SCN10A: variants seen among roughly 807,000 people sequenced by gnomAD.
SCN10A encodes sodium voltage-gated channel alpha subunit 10.
A neutral mutation model predicts 170.7 loss-of-function variants in SCN10A; 162 were observed. That is an observed-to-expected ratio of 0.95 (90% CI 0.84 to 1.08). SCN10A has a LOEUF of 1.08. Ranked by LOEUF, SCN10A falls within the 50% of genes least tolerant of loss-of-function variation. The pLI is 0.00. For missense variants in SCN10A, 2,527 were observed against 2,436.9 expected, an observed-to-expected ratio of 1.04 and a Z score of -0.78; for synonymous variants, 985 against 904.6, an observed-to-expected ratio of 1.09 and a Z score of -1.59.
chr3:38,780,249 G>C (rs1456001041), intron 4 of SCN10A, among the ~76,000 whole-genome samples: 1 of 151,766 alleles, frequency 6.6e-6, no homozygotes, highest in African/African-American at 2.4e-5. Flanking sequence ...CCTATTTCAT[G>C]CTTTTTGACC....
At chr3:38,790,604 A>C (rs1298978860) in intron 3 of SCN10A, among the ~76,000 whole-genome samples, 1 of 151,834 alleles carries the variant, frequency 6.6e-6, no homozygotes. Context: ...TGAAAAAGCA[A>C]CAACTACCCA....
intron 1 of SCN10A, among the ~76,000 whole-genome samples, chr3:38,812,763 G>A (rs766395590): frequency 5.3e-5 from 8 of 152,110 alleles, no homozygotes; most frequent in Non-Finnish European, 1.2e-4. Context: ...GCTGGGCATG[G>A]TAGCTCACAC....
chr3:38,747,329 T>A (rs1212783220), intron 13 of SCN10A, among the ~76,000 whole-genome samples: 1 of 152,198 alleles, frequency 6.6e-6, no homozygotes, highest in African/African-American at 2.4e-5. Flanking sequence ...CCTTTGTGCA[T>A]GCACTTGTCT....
chr3:38,763,604 A>T lies in SCN10A; in HGVS notation c.600-8T>A. 2 of 1,610,118 alleles carry T rather than the reference A, an allele frequency of 1.2e-6. No individual in the cohort carries two copies. The highest frequency in any genetic ancestry group is 1.7e-6 in the Non-Finnish European group (2 of 1,176,510). ...ATTGCTGTGCCAACATATCTGTAGGACCAGAAGTTAGTCAGCATCTCTGCA... is the reference window on the plus strand; with the variant it reads ...ATTGCTGTGCCAACATATCTGTAGGTCCAGAAGTTAGTCAGCATCTCTGCA... On this transcript the variant is annotated splice_region_variant and splice_polypyrimidine_tract_variant and intron_variant, in intron 5 of 27. Transcript: ENST00000449082.
At position 38,697,305 on chromosome 3, in the gene SCN10A, A is replaced by T; in HGVS notation, c.*44T>A. ...ATGGGAAAGAGTTAACACAGAGCAG[A>T]AGGACGCATCATAACTGAACATATC... On this transcript the variant is annotated 3_prime_UTR_variant, in exon 28 of 28. Coordinates refer to ENST00000449082, the MANE Select transcript of SCN10A (RefSeq NM_006514.4). 6.3e-7 allele frequency: 1 copy of T among 1,597,680 alleles called. No individual in the cohort carries two copies. Among genetic ancestry groups the T allele is most frequent in the Non-Finnish European group, 8.5e-7 (1 of 1,170,268 alleles).
intron 23 of SCN10A, 47 bp from the exon 24 acceptor site, chr3:38,710,944 T>C: frequency 1.3e-6 from 2 of 1,537,474 alleles, no homozygotes. Flanking sequence ...CATCCATCTA[T>C]ACTGGACCCT....
intron 11 of SCN10A, among the ~76,000 whole-genome samples, chr3:38,752,928 A>G (rs1224719625): frequency 6.6e-6 from 1 of 152,252 alleles, no homozygotes; most frequent in East Asian, 1.9e-4. Context: ...GTACTGGAAC[A>G]TACTTGGTAA....
intron 5 of SCN10A, among the ~76,000 whole-genome samples, chr3:38,764,558 T>A (rs2063911260): frequency 6.6e-6 from 1 of 152,224 alleles, no homozygotes; most frequent in South Asian, 2.1e-4. Flanking sequence ...CATTCCTTTT[T>A]ACAACTGAGT....
chr3:38,791,903 C>G, intron 3 of SCN10A, 147 bp downstream of exon 3: 1 of 1,073,736 alleles, frequency 9.3e-7, no homozygotes, highest in Non-Finnish European at 1.3e-6. Flanking sequence ...ATTAAAGGCC[C>G]AAGCCATTTT....
chr3:38,757,723 G>A (rs547186946), intron 8 of SCN10A, among the ~76,000 whole-genome samples: 18 of 152,264 alleles, frequency 1.2e-4, no homozygotes, highest in African/African-American at 3.1e-4. Context: ...CTAAAACTAC[G>A]CAGGTGTCAA....
chr3:38,697,288 G>C lies in SCN10A; in HGVS notation c.*61C>G. ...GCTGGGTGTGATCTGCAATGGGAAA[G>C]AGTTAACACAGAGCAGAAGGACGCA... On this transcript the variant is annotated 3_prime_UTR_variant, in exon 28 of 28. Transcript: ENST00000449082. The C allele has an allele frequency of 6.3e-7, 1 of 1,580,658 alleles. No individual in the cohort carries two copies. The highest frequency in any genetic ancestry group is 8.6e-7 in the Non-Finnish European group (1 of 1,162,552).
intron 12 of SCN10A, among the ~76,000 whole-genome samples, chr3:38,751,356 C>G (rs1479209021): frequency 1.3e-5 from 2 of 152,180 alleles, no homozygotes; most frequent in Non-Finnish European, 2.9e-5. Context: ...TAAGCCCAGC[C>G]CACACCTCTG....
intron 3 of SCN10A, among the ~76,000 whole-genome samples, chr3:38,789,522 G>A (rs2126057915): frequency 2.0e-5 from 3 of 152,226 alleles, no homozygotes; most frequent in Middle Eastern, 3.4e-3. Context: ...TTAGAAACTT[G>A]GAGATAAGTG....
chr3:38,704,999 G>A (rs1446159675), intron 26 of SCN10A, among the ~76,000 whole-genome samples: 2 of 152,246 alleles, frequency 1.3e-5, no homozygotes, highest in East Asian at 1.9e-4. Flanking sequence ...TTTGAAGAGG[G>A]AAGATGATCC....
intron 5 of SCN10A, among the ~76,000 whole-genome samples, chr3:38,765,336 T>C (rs2063920011): frequency 6.6e-6 from 1 of 152,218 alleles, no homozygotes; most frequent in Non-Finnish European, 1.5e-5. Context: ...GAATTTTTTA[T>C]AATTTCAGGT....
chr3:38,807,364 G>A (rs980074416), intron 1 of SCN10A, among the ~76,000 whole-genome samples: 1 of 152,130 alleles, frequency 6.6e-6, no homozygotes, highest in Non-Finnish European at 1.5e-5. Flanking sequence ...ATACATCAAT[G>A]CATGTTTTTG....
At chr3:38,749,749 G>A (rs191110084) in intron 13 of SCN10A, among the ~76,000 whole-genome samples, 19 of 152,294 alleles carry the variant, frequency 1.2e-4, no homozygotes, top group East Asian at 9.6e-4. Flanking sequence ...CTTGTACACC[G>A]GAGAGCTGGC....
At chr3:38,720,295 G>C (rs1043546426) in intron 20 of SCN10A, among the ~76,000 whole-genome samples, 1 of 152,218 alleles carries the variant, frequency 6.6e-6, no homozygotes, top group East Asian at 1.9e-4. Flanking sequence ...CATTAAATGA[G>C]ATAATATGAG....
rs779823900 is a variant in SCN10A, at chr3:38,776,916, A to G, written c.471-5509T>C. Among the ~76,000 whole-genome samples the G allele has an allele frequency of 5.8e-4, 88 of 152,118 alleles. 1 individual carries two copies. Among genetic ancestry groups the G allele is most frequent in the Non-Finnish European group, 1.6e-4 (11 of 67,962 alleles). ...AAACCTGTTAGTTTACAGATTTACT[A>G]TACTAACAGATGAAAGACTATATGA... On this transcript the variant is annotated intron_variant, in intron 4 of 27. Coordinates refer to ENST00000449082, the MANE Select transcript of SCN10A (RefSeq NM_006514.4).
Sources: allele counts gnomAD v4.1 joint callset (sites outside exome capture counted in the v4.1 genomes callset), GRCh38; gene constraint gnomAD v4.1.1; transcripts MANE v1.5; gene names NCBI Gene and HGNC (gene_info 2026-07-23, HGNC 2026-07-21).